ATP8A2: variants seen among roughly 807,000 people sequenced by gnomAD.
ATP8A2 encodes phospholipid-transporting ATPase IB.
ATP8A2 carries 100 observed loss-of-function variants against 165.6 expected under a neutral mutation model. The ratio of observed to expected loss-of-function variants is 0.60; its 90% CI spans 0.51 to 0.71. The LOEUF (loss-of-function observed/expected upper bound fraction) is 0.71. Ranked by LOEUF, ATP8A2 falls within the 30% of genes least tolerant of loss-of-function variation. The probability of loss-of-function intolerance (pLI) is 0.00; values close to 1 mark genes in which losing one functional copy is unlikely to be tolerated. For missense variants in ATP8A2, 1,227 were observed against 1,479.5 expected, an observed-to-expected ratio of 0.83 and a Z score of 2.80; for synonymous variants, 543 against 548.8, an observed-to-expected ratio of 0.99 and a Z score of 0.15.
intron 2 of ATP8A2, among the ~76,000 whole-genome samples, chr13:25,489,809 T>C (rs561845365): frequency 2.6e-5 from 4 of 152,222 alleles, no homozygotes; most frequent in Non-Finnish European, 4.4e-5. Flanking sequence ...AGTGTTGATG[T>C]TGTACTTTCA....
Position 25,596,588 on chromosome 13 carries a change from G to A in ATP8A2, c.2211+6889G>A, listed in dbSNP as rs182843533. 2.1e-3 allele frequency among the ~76,000 whole-genome samples: 327 copies of A among 152,198 alleles called. 1 individual carries two copies. The highest frequency in any genetic ancestry group is 4.4e-3 in the Admixed American group (67 of 15,276). ...TTTTGATATTCATCCATGTTGCTGT[G>A]TGTATCATCTGTTCATTCCTTTTTT... On this transcript the variant is annotated intron_variant, in intron 24 of 36. Coordinates refer to ENST00000381655, the MANE Select transcript of ATP8A2 (RefSeq NM_016529.6).
intron 24 of ATP8A2, among the ~76,000 whole-genome samples, chr13:25,698,864 C>G (rs917262831): frequency 1.3e-5 from 2 of 151,972 alleles, no homozygotes; most frequent in African/African-American, 2.4e-5. Flanking sequence ...CTATCTTTCC[C>G]CAAAAAGCAC....
At chr13:25,405,326 A>AAGAG (rs1338924825) in intron 1 of ATP8A2, among the ~76,000 whole-genome samples, 2 of 152,210 alleles carry the variant, frequency 1.3e-5, no homozygotes, top group East Asian at 3.8e-4. Flanking sequence ...TGGAGTCCTG[A>AAGAG]AGAGAAATGG....
At chr13:25,525,234 T>C (rs915277757) in intron 2 of ATP8A2, among the ~76,000 whole-genome samples, 1 of 152,136 alleles carries the variant, frequency 6.6e-6, no homozygotes, top group East Asian at 1.9e-4. Context: ...TACCTCAATT[T>C]GGATATATTT....
At chr13:25,697,008 A>T (rs527339827) in intron 24 of ATP8A2, among the ~76,000 whole-genome samples, 1 of 152,344 alleles carries the variant, frequency 6.6e-6, no homozygotes, top group Admixed American at 6.5e-5. Flanking sequence ...AAATATTGCA[A>T]GAATTACCAA....
intron 1 of ATP8A2, among the ~76,000 whole-genome samples, chr13:25,464,665 A>T (rs894743145): frequency 1.3e-5 from 2 of 152,116 alleles, no homozygotes; most frequent in African/African-American, 4.8e-5. Flanking sequence ...TAACAAGTAG[A>T]TGGTATTGCA....
chr13:25,914,460 T>G (rs1954209486), intron 33 of ATP8A2, among the ~76,000 whole-genome samples: 1 of 152,212 alleles, frequency 6.6e-6, no homozygotes, highest in East Asian at 1.9e-4. Context: ...TGTGTACTGA[T>G]GAGCACCCTT....
intron 36 of ATP8A2, among the ~76,000 whole-genome samples, chr13:26,013,052 C>T (rs1956882643): frequency 6.6e-6 from 1 of 152,182 alleles, no homozygotes; most frequent in Non-Finnish European, 1.5e-5. Flanking sequence ...CTAAGCCTGG[C>T]GTCCCCCTGC....
At chr13:25,833,740 A>G (rs1215381013) in intron 28 of ATP8A2, among the ~76,000 whole-genome samples, 1 of 152,054 alleles carries the variant, frequency 6.6e-6, no homozygotes, top group African/African-American at 2.4e-5. Context: ...CCTACAAGAC[A>G]CTCCTGGAAA....
intron 24 of ATP8A2, among the ~76,000 whole-genome samples, chr13:25,664,690 G>C (rs2042115249): frequency 6.6e-6 from 1 of 152,184 alleles, no homozygotes; most frequent in African/African-American, 2.4e-5. Context: ...TGATCAAGCA[G>C]ATATAGAAAG....
chr13:25,763,876 G>T (rs918062075), intron 25 of ATP8A2, among the ~76,000 whole-genome samples: 1 of 152,142 alleles, frequency 6.6e-6, no homozygotes, highest in Non-Finnish European at 1.5e-5. Flanking sequence ...CAGCCATGGA[G>T]GCATTTAATA....
intron 25 of ATP8A2, among the ~76,000 whole-genome samples, chr13:25,705,703 GACAA>G (rs982948543): frequency 1.3e-5 from 2 of 152,254 alleles, no homozygotes; most frequent in Admixed American, 6.5e-5. Context: ...AGAAAATACA[GACAA>G]ACAAGAAGAA....
At chr13:25,858,012 G>A (rs1443117943) in intron 30 of ATP8A2, among the ~76,000 whole-genome samples, 1 of 152,104 alleles carries the variant, frequency 6.6e-6, no homozygotes, top group Non-Finnish European at 1.5e-5. Context: ...AATAGTGCCT[G>A]GCATAAAATA....
At chr13:25,897,918 T>C (rs1208849861) in intron 33 of ATP8A2, among the ~76,000 whole-genome samples, 1 of 152,204 alleles carries the variant, frequency 6.6e-6, no homozygotes, top group African/African-American at 2.4e-5. Flanking sequence ...GCATTGATTA[T>C]TTTAGTTATC....
chr13:25,760,904 T>C (rs2044366747), intron 25 of ATP8A2, among the ~76,000 whole-genome samples: 1 of 152,226 alleles, frequency 6.6e-6, no homozygotes, highest in Non-Finnish European at 1.5e-5. Context: ...TGTTAAATAA[T>C]TTTTGTACTT....
At chr13:25,870,691 A>T (rs1364381865) in intron 33 of ATP8A2, among the ~76,000 whole-genome samples, 3 of 152,332 alleles carry the variant, frequency 2.0e-5, no homozygotes, top group East Asian at 1.9e-4. Flanking sequence ...TTGGACTCCA[A>T]GCTGGGTCTT....
intron 24 of ATP8A2, among the ~76,000 whole-genome samples, chr13:25,696,606 C>T (rs1250361899): frequency 6.6e-6 from 1 of 152,188 alleles, no homozygotes; most frequent in East Asian, 1.9e-4. Context: ...ACCTCATAAA[C>T]CAATATCTGC....
intron 24 of ATP8A2, among the ~76,000 whole-genome samples, chr13:25,608,530 G>C (rs1015199050): frequency 2.0e-5 from 3 of 152,066 alleles, no homozygotes; most frequent in African/African-American, 7.3e-5. Context: ...AAACGTCTAA[G>C]GTGCTAAGTA....
intron 25 of ATP8A2, among the ~76,000 whole-genome samples, chr13:25,745,258 G>A (rs1339359126): frequency 2.0e-5 from 3 of 152,010 alleles, no homozygotes; most frequent in Non-Finnish European, 2.9e-5. Flanking sequence ...TTTCTGACTC[G>A]GCTTAGGAAT....
Sources: gnomAD v4.1 joint callset for allele counts (sites outside exome capture counted in the v4.1 genomes callset) on GRCh38, gnomAD v4.1.1 for gene constraint, MANE v1.5 for transcripts, NCBI Gene and HGNC (gene_info 2026-07-23, HGNC 2026-07-21) for gene names.